The following SLIT3 variants were observed in gnomAD, a reference collection of about 807,000 sequenced individuals.
The protein encoded by SLIT3 is slit guidance ligand 3.
Under a neutral mutation model 184.0 loss-of-function variants are expected in SLIT3, and 68 were observed. That is an observed-to-expected ratio of 0.37 (90% confidence interval 0.30 to 0.45). The LOEUF is 0.45. Ranked by LOEUF, SLIT3 falls within the 20% of genes least tolerant of loss-of-function variation. The pLI, the probability that SLIT3 is intolerant of heterozygous loss-of-function variation, is 1.00. For missense variants in SLIT3, 1,707 were observed against 2,026.0 expected, an observed-to-expected ratio of 0.84 and a Z score of 3.02; for synonymous variants, 831 against 828.6, an observed-to-expected ratio of 1.00 and a Z score of -0.05.
At chr5:168,838,034 C>T (rs1758111485) in intron 6 of SLIT3, among the ~76,000 whole-genome samples, 1 of 152,192 alleles carries the variant, frequency 6.6e-6, no homozygotes, top group African/African-American at 2.4e-5. Context: ...TAGATCTAAG[C>T]ACCCTAAGGG....
intron 6 of SLIT3, among the ~76,000 whole-genome samples, chr5:168,835,909 C>G (rs1025259863): frequency 6.6e-6 from 1 of 152,162 alleles, no homozygotes; most frequent in African/African-American, 2.4e-5. Context: ...TCAAGCAATG[C>G]CCCTGCCTTG....
intron 4 of SLIT3, among the ~76,000 whole-genome samples, chr5:168,975,834 T>TA (rs1754737074): frequency 6.6e-6 from 1 of 152,154 alleles, no homozygotes; most frequent in South Asian, 2.1e-4. Flanking sequence ...ATGGAGTTAC[T>TA]ACTTTTGCCA....
At chr5:169,291,304 T>C (rs1207961843) in intron 1 of SLIT3, among the ~76,000 whole-genome samples, 1 of 152,144 alleles carries the variant, frequency 6.6e-6, no homozygotes, top group Admixed American at 6.5e-5. Flanking sequence ...GCGGAAAATA[T>C]TATTCAGCAA....
At chr5:169,096,671 ACAC>A (rs1049444204) in intron 4 of SLIT3, among the ~76,000 whole-genome samples, 1 of 152,232 alleles carries the variant, frequency 6.6e-6, no homozygotes, top group African/African-American at 2.4e-5. Flanking sequence ...CTAGGGCATG[ACAC>A]CACACCACCA....
At chr5:169,206,762 C>CA (rs1336200866) in intron 3 of SLIT3, among the ~76,000 whole-genome samples, 1 of 152,064 alleles carries the variant, frequency 6.6e-6, no homozygotes, top group African/African-American at 2.4e-5. Flanking sequence ...ACAGCAACAA[C>CA]AAAAAAAGTT....
chr5:168,861,608 G>C (rs962375599), intron 5 of SLIT3, among the ~76,000 whole-genome samples: 1 of 152,168 alleles, frequency 6.6e-6, no homozygotes, highest in African/African-American at 2.4e-5. Context: ...GACTTGGCTT[G>C]ACTGTCTACC....
chr5:168,708,181 C>T, intron 25 of SLIT3, 81 bp from the exon 26 acceptor site: 1 of 1,591,922 alleles, frequency 6.3e-7, no homozygotes, highest in Non-Finnish European at 8.6e-7. Flanking sequence ...GCTCTGGGCC[C>T]TCCCTCAGCC....
rs200037173 is a variant in SLIT3, at chr5:168,844,685, C to G, written c.486-30G>C. ...GGAAAAGCAGGGGAGAGCATGAAGG[C>G]TGAGCGGGGGCAGCGTGAGGGGCCG... On this transcript the variant is annotated intron_variant, in intron 5 of 35. Transcript: ENST00000519560. The G allele has an allele frequency of 3.9e-5, 63 of 1,611,324 alleles. No homozygotes were observed. The Admixed American group carries it at 9.3e-4, about 24-fold the overall frequency.
chr5:169,298,699 G>C (rs1767590287), intron 1 of SLIT3, among the ~76,000 whole-genome samples: 1 of 152,210 alleles, frequency 6.6e-6, no homozygotes, highest in Non-Finnish European at 1.5e-5. Context: ...ATGACCAGGA[G>C]AGTGATAACG....
intron 4 of SLIT3, among the ~76,000 whole-genome samples, chr5:169,072,709 G>C (rs770662347): frequency 3.9e-5 from 6 of 152,172 alleles, no homozygotes; most frequent in Non-Finnish European, 7.3e-5. Flanking sequence ...GCCCAGCCAC[G>C]GAAGACAGAA....
intron 32 of SLIT3, among the ~76,000 whole-genome samples, chr5:168,681,677 A>G (rs1761596309): frequency 6.6e-6 from 1 of 152,144 alleles, no homozygotes; most frequent in East Asian, 1.9e-4. Context: ...ATAACTCAGC[A>G]CAGTGCTGCG....
chr5:168,810,269 T>C (rs1309656989), intron 8 of SLIT3, among the ~76,000 whole-genome samples: 12 of 152,218 alleles, frequency 7.9e-5, no homozygotes, highest in Non-Finnish European at 1.8e-4. Flanking sequence ...ATATCTCCGA[T>C]GAAAGCATCT....
At chr5:168,873,712 C>T (rs1037194762) in intron 5 of SLIT3, among the ~76,000 whole-genome samples, 1 of 152,116 alleles carries the variant, frequency 6.6e-6, no homozygotes, top group Non-Finnish European at 1.5e-5. Flanking sequence ...CAGAGTTTCT[C>T]CCTCCTGGAC....
At chr5:168,692,834 G>T in intron 28 of SLIT3, 134 bp from the exon 29 acceptor site, 1 of 629,456 alleles carries the variant, frequency 1.6e-6, no homozygotes, top group Non-Finnish European at 2.8e-6. Flanking sequence ...GGGCATGGAC[G>T]TCAGGAGTCC....
intron 4 of SLIT3, among the ~76,000 whole-genome samples, chr5:168,961,671 G>A (rs369012878): frequency 8.5e-5 from 13 of 152,194 alleles, no homozygotes; most frequent in Non-Finnish European, 1.0e-4. Context: ...CAAAGGCTCT[G>A]TGGTGCAGAA....
intron 4 of SLIT3, among the ~76,000 whole-genome samples, chr5:168,897,135 A>G (rs1350429219): frequency 1.5e-4 from 1 of 6,766 alleles, no homozygotes; most frequent in East Asian, 9.8e-3. Context: ...TAGGGTGACT[A>G]CTATGTACCC....
At chr5:169,147,580 C>T (rs1561697038) in intron 4 of SLIT3, among the ~76,000 whole-genome samples, 1 of 152,186 alleles carries the variant, frequency 6.6e-6, no homozygotes, top group Non-Finnish European at 1.5e-5. Context: ...TTTGATGGTG[C>T]TTTGTACATT....
At chr5:169,075,663 C>T (rs955227252) in intron 4 of SLIT3, among the ~76,000 whole-genome samples, 3 of 152,154 alleles carry the variant, frequency 2.0e-5, no homozygotes, top group African/African-American at 4.8e-5. Context: ...AGAGACTTGG[C>T]TTCTTATATG....
intron 20 of SLIT3, among the ~76,000 whole-genome samples, chr5:168,744,136 A>T (rs1763725282): frequency 6.6e-6 from 1 of 152,140 alleles, no homozygotes; most frequent in Non-Finnish European, 1.5e-5. Flanking sequence ...AAAAATACAA[A>T]AAATTAGCCG....
Sources: allele counts gnomAD v4.1 joint callset (sites outside exome capture counted in the v4.1 genomes callset), GRCh38; gene constraint gnomAD v4.1.1; transcripts MANE v1.5; gene names NCBI Gene and HGNC (gene_info 2026-07-23, HGNC 2026-07-21).